LPP: variants seen among roughly 807,000 people sequenced by gnomAD.
LPP encodes the protein LIM domain containing preferred translocation partner in lipoma.
In LPP, 38 loss-of-function variants were observed where a neutral mutation model predicts 60.4. That is an observed-to-expected ratio of 0.63 (90% CI 0.49 to 0.83). The LOEUF (loss-of-function observed/expected upper bound fraction) is 0.83. Ranked by LOEUF, LPP falls within the 40% of genes least tolerant of loss-of-function variation. The pLI is 0.00. For synonymous variants in LPP, 328 were observed against 290.8 expected, an observed-to-expected ratio of 1.13 and a Z score of -1.30; for missense variants, 902 against 783.6, an observed-to-expected ratio of 1.15 and a Z score of -1.80.
At chr3:188,624,043 G>C (rs62289963) in intron 7 of LPP, among the ~76,000 whole-genome samples, 21,030 of 152,138 alleles carry the variant, frequency 0.14, 1,505 homozygotes, top group Non-Finnish European at 0.16. Context: ...GGAAAGTACT[G>C]CTGAGTTCTG....
At chr3:188,757,080 T>C (rs530533877) in intron 8 of LPP, among the ~76,000 whole-genome samples, 32 of 152,324 alleles carry the variant, frequency 2.1e-4, no homozygotes, top group South Asian at 1.4e-3. Context: ...TCGGCTCAAA[T>C]GCTTCTTTCT....
At chr3:188,611,652 C>CT (rs1459691884) in intron 7 of LPP, among the ~76,000 whole-genome samples, 1 of 152,202 alleles carries the variant, frequency 6.6e-6, no homozygotes, top group Non-Finnish European at 1.5e-5. Context: ...AGTGATGTTC[C>CT]TGAAGGAATG....
chr3:188,568,218 A>C (rs779217458), intron 6 of LPP: 4 of 152,028 alleles, frequency 2.6e-5, no homozygotes, highest in African/African-American at 9.7e-5. Flanking sequence ...TTCAGTAAAC[A>C]TTATTGAGCA....
intron 3 of LPP, among the ~76,000 whole-genome samples, chr3:188,393,681 A>G (rs1392827864): frequency 6.6e-6 from 1 of 152,202 alleles, no homozygotes; most frequent in African/African-American, 2.4e-5. Context: ...TGTGAATTAA[A>G]ACGATTCGAA....
At chr3:188,528,976 A>G (rs1820433) in intron 6 of LPP, among the ~76,000 whole-genome samples, 70,857 of 152,062 alleles carry the variant, frequency 0.47, 17,323 homozygotes, top group East Asian at 0.92. Flanking sequence ...ATAAGTTCAT[A>G]ATTATGGTAA....
rs561251390 is a variant in LPP at position 188,636,682 on chromosome 3, T to C, written c.1113+26838T>C. On this transcript the variant is annotated intron_variant, in intron 7 of 11. Transcript: ENST00000617246. ...TGTCTGACAGCTTTGAAGAGAGCAG[T>C]GGTTCTCCCAGCACGCAGCTGGAGA... Among the ~76,000 whole-genome samples the C allele has an allele frequency of 4.6e-5, 7 of 152,184 alleles. No individual in the cohort carries two copies. The South Asian group carries it at 1.5e-3, about 32-fold the overall frequency.
chr3:188,835,606 G>A (rs1758264465), intron 9 of LPP, among the ~76,000 whole-genome samples: 1 of 152,022 alleles, frequency 6.6e-6, no homozygotes. Context: ...GTGACAGAGT[G>A]AGGCTCCATC....
intron 2 of LPP, chr3:188,240,296 C>T (rs1277802156): frequency 1.2e-5 from 2 of 164,724 alleles, no homozygotes; most frequent in Non-Finnish European, 2.6e-5. Flanking sequence ...TTACAGCTTG[C>T]CTAACAAGGT....
At chr3:188,460,506 A>T (rs1361356902) in intron 4 of LPP, among the ~76,000 whole-genome samples, 1 of 152,186 alleles carries the variant, frequency 6.6e-6, no homozygotes, top group Non-Finnish European at 1.5e-5. Flanking sequence ...GTTGGAACAG[A>T]ATTCTCTTTA....
chr3:188,646,660 G>A (rs1319157282), intron 7 of LPP, among the ~76,000 whole-genome samples: 1 of 152,146 alleles, frequency 6.6e-6, no homozygotes, highest in African/African-American at 2.4e-5. Flanking sequence ...AGTACAAAAA[G>A]CTCCTATATG....
rs1458446626 is a variant in LPP at position 188,610,281 on chromosome 3, G to A, written c.1113+437G>A. 6.6e-6 allele frequency among the ~76,000 whole-genome samples: 1 copy of A among 152,186 alleles called. No individual in the cohort carries two copies. Among genetic ancestry groups the A allele is most frequent in the Non-Finnish European group, 1.5e-5 (1 of 68,032 alleles). ...CCTCAGCAAGGGTAGTGATCTATGG[G>A]TGAGACATGTGGAGGGCAAAACTGA... On this transcript the variant is annotated intron_variant, in intron 7 of 11. Transcript: ENST00000617246. This position sits in a 1 kb window ranked among gnomAD's most constrained non-coding sequence, Gnocchi z 4.4.
At chr3:188,212,137 G>A (rs1711527209) in intron 1 of LPP, among the ~76,000 whole-genome samples, 1 of 152,150 alleles carries the variant, frequency 6.6e-6, no homozygotes, top group Admixed American at 6.5e-5. Context: ...GGGATTACAG[G>A]TGTGAGCCAC....
At chr3:188,741,137 C>T (rs972313346) in intron 8 of LPP, among the ~76,000 whole-genome samples, 8 of 150,146 alleles carry the variant, frequency 5.3e-5, no homozygotes, top group Admixed American at 2.7e-4. Flanking sequence ...CAGTATTTTC[C>T]GAAACGTGTT....
chr3:188,665,663 A>G (rs1855634063), intron 7 of LPP, among the ~76,000 whole-genome samples: 1 of 152,010 alleles, frequency 6.6e-6, no homozygotes, highest in Admixed American at 6.6e-5. Context: ...GGGTTTCACC[A>G]TGCTGGCCAG....
chr3:188,477,197 T>G (rs1475591592), intron 4 of LPP, among the ~76,000 whole-genome samples: 2 of 152,180 alleles, frequency 1.3e-5, no homozygotes, highest in Non-Finnish European at 2.9e-5. Context: ...GGCTTGACAT[T>G]CTGATCCTTT....
chr3:188,677,849 C>G (rs1448819824), intron 7 of LPP, among the ~76,000 whole-genome samples: 4 of 151,744 alleles, frequency 2.6e-5, no homozygotes, highest in Non-Finnish European at 4.4e-5. Context: ...GCTGTTTCTC[C>G]CACCTACCCT....
At chr3:188,275,647 A>T (rs1266578005) in intron 2 of LPP, among the ~76,000 whole-genome samples, 1 of 151,902 alleles carries the variant, frequency 6.6e-6, no homozygotes, top group Non-Finnish European at 1.5e-5. Context: ...TCATTCATTT[A>T]GCTATTATTT....
At chr3:188,176,509 A>G (rs556977023) in intron 1 of LPP, among the ~76,000 whole-genome samples, 2 of 152,226 alleles carry the variant, frequency 1.3e-5, no homozygotes, top group African/African-American at 4.8e-5. Context: ...GTTCTACTGC[A>G]GAATGATAAC....
At chr3:188,494,454 AAAGCAT>A (rs887946216) in intron 5 of LPP, among the ~76,000 whole-genome samples, 1 of 152,136 alleles carries the variant, frequency 6.6e-6, no homozygotes, top group Non-Finnish European at 1.5e-5. Context: ...TTTTTGTTAG[AAAGCAT>A]AAACTCATTA....
Sources: gnomAD v4.1 joint callset for allele counts (sites outside exome capture counted in the v4.1 genomes callset) on GRCh38, gnomAD v4.1.1 for gene constraint, Gnocchi (gnomAD v3.1) non-coding constraint, MANE v1.5 for transcripts, NCBI Gene and HGNC (gene_info 2026-07-23, HGNC 2026-07-21) for gene names.